Variants in BAZ2B observed in about 807,000 individuals in gnomAD.
BAZ2B encodes the protein bromodomain adjacent to zinc finger domain protein 2B.
Under a neutral mutation model 246.0 loss-of-function variants are expected in BAZ2B, and 91 were observed. The ratio of observed to expected loss-of-function variants is 0.37; its 90% CI spans 0.31 to 0.44. The LOEUF (loss-of-function observed/expected upper bound fraction) is 0.44. BAZ2B is among the 20% of genes least tolerant of loss of function. The pLI is 1.00. For synonymous variants in BAZ2B, 855 were observed against 860.0 expected (o/e 0.99, Z 0.10); for missense variants, 2,332 against 2,533.7 (o/e 0.92, Z 1.71).
chr2:159,539,150 C>T (rs1410007486), intron 2 of BAZ2B, among the ~76,000 whole-genome samples: 2 of 152,154 alleles, frequency 1.3e-5, no homozygotes, highest in African/African-American at 4.8e-5. Flanking sequence ...AAACATTAAA[C>T]ATACACCTCT....
the BAZ2B span, among the ~76,000 whole-genome samples, chr2:159,624,254 G>A: frequency 1.1e-4 from 16 of 152,308 alleles, no homozygotes; most frequent in Admixed American, 1.3e-4. Context: ...GGGAAGGGAC[G>A]GCTGTGGGCA....
At chr2:159,535,031 T>C (rs2085799452) in intron 2 of BAZ2B, among the ~76,000 whole-genome samples, 1 of 152,202 alleles carries the variant, frequency 6.6e-6, no homozygotes, top group Non-Finnish European at 1.5e-5. Flanking sequence ...AGTATGCCAA[T>C]AATAAATAAT....
At chr2:159,584,793 G>C (rs1387811298) in intron 1 of BAZ2B, among the ~76,000 whole-genome samples, 1 of 152,134 alleles carries the variant, frequency 6.6e-6, no homozygotes, top group East Asian at 1.9e-4. Context: ...TGGATCATAG[G>C]GGTGGACTTC....
intron 3 of BAZ2B, among the ~76,000 whole-genome samples, chr2:159,476,312 A>G (rs1326417184): frequency 6.6e-6 from 1 of 152,224 alleles, no homozygotes; most frequent in Non-Finnish European, 1.5e-5. Flanking sequence ...TTTAGGTACT[A>G]AAAATATGTG....
chr2:159,438,498 T>C lies in BAZ2B; in HGVS notation c.1098A>G (p.Glu366=). 1 of 1,614,186 alleles carries C rather than the reference T, an allele frequency of 6.2e-7. No individual in the cohort carries two copies. Among genetic ancestry groups the C allele is most frequent in the Non-Finnish European group, 8.5e-7 (1 of 1,180,020 alleles). The change falls in exon 8 of 37, where the codon GAA becomes GAG. Residue 366 remains glutamate, a synonymous_variant. Transcript: ENST00000392783. ...TTACACTGGTGTGTTTGTTCACAGATTCCTCCTTTGCCTGAGAGCTTTGGA... is the reference window on the plus strand; with the variant it reads ...TTACACTGGTGTGTTTGTTCACAGACTCCTCCTTTGCCTGAGAGCTTTGGA... The part of the protein sequence containing the change: ...FIFQSSQAKE[E]SVNKHTSVIQ...
intron 3 of BAZ2B, among the ~76,000 whole-genome samples, chr2:159,478,042 G>A (rs1022356349): frequency 1.3e-5 from 2 of 152,158 alleles, no homozygotes; most frequent in African/African-American, 2.4e-5. Context: ...GGCTGGTCTC[G>A]AACTCCTGAC....
chr2:159,516,832 T>C (rs2083488644), intron 2 of BAZ2B, among the ~76,000 whole-genome samples: 1 of 152,130 alleles, frequency 6.6e-6, no homozygotes, highest in African/African-American at 2.4e-5. Flanking sequence ...AAGGGTTTAC[T>C]CCTCACATAA....
intron 27 of BAZ2B, among the ~76,000 whole-genome samples, chr2:159,351,084 A>C (rs980503066): frequency 6.6e-6 from 1 of 152,078 alleles, no homozygotes; most frequent in Non-Finnish European, 1.5e-5. Flanking sequence ...TAAAATCCAA[A>C]AATATTAAAA....
At chr2:159,520,490 T>C (rs1225892948) in intron 2 of BAZ2B, among the ~76,000 whole-genome samples, 1 of 152,210 alleles carries the variant, frequency 6.6e-6, no homozygotes, top group Admixed American at 6.5e-5. Context: ...GATCTTGAAA[T>C]TCCTTCTTTT....
chr2:159,546,215 C>T (rs2087320516), intron 2 of BAZ2B, among the ~76,000 whole-genome samples: 1 of 152,012 alleles, frequency 6.6e-6, no homozygotes, highest in Non-Finnish European at 1.5e-5. Flanking sequence ...ATGGGAGGAA[C>T]CCAGTGGGAG....
intron 2 of BAZ2B, among the ~76,000 whole-genome samples, chr2:159,553,204 G>GA (rs1259281801): frequency 6.6e-6 from 1 of 151,862 alleles, no homozygotes; most frequent in Non-Finnish European, 1.5e-5. Context: ...AGGCCAGCCT[G>GA]GCCAACATGA....
chr2:159,705,247 C>A, the BAZ2B span, among the ~76,000 whole-genome samples: 1 of 151,670 alleles, frequency 6.6e-6, no homozygotes, highest in Non-Finnish European at 1.5e-5. Context: ...GTCTCAAACT[C>A]CTAGGTTCAA....
At chr2:159,682,879 ATC>A in the BAZ2B span, among the ~76,000 whole-genome samples, 1 of 149,092 alleles carries the variant, frequency 6.7e-6, no homozygotes, top group Non-Finnish European at 1.5e-5. Flanking sequence ...CTTCTCAAGC[ATC>A]TCTGTTTTAG....
chr2:159,362,963 GGTGTACAGGAGCCTGA>G (rs1268750566), intron 27 of BAZ2B, among the ~76,000 whole-genome samples: 1 of 152,136 alleles, frequency 6.6e-6, no homozygotes, highest in East Asian at 1.9e-4. Flanking sequence ...TGTGAGGCAC[GGTGTACAGGAGCCTGA>G]GTGAGAACAC....
chr2:159,547,660 AC>A (rs2087564943), intron 2 of BAZ2B, among the ~76,000 whole-genome samples: 1 of 152,192 alleles, frequency 6.6e-6, no homozygotes, highest in Non-Finnish European at 1.5e-5. Context: ...GGAAATATTT[AC>A]CTAGTCTATA....
At chr2:159,571,952 T>C (rs1424407101) in intron 1 of BAZ2B, among the ~76,000 whole-genome samples, 1 of 152,264 alleles carries the variant, frequency 6.6e-6, no homozygotes, top group Non-Finnish European at 1.5e-5. Context: ...GCTGCACCTC[T>C]TAATACTGTT....
rs1261292644 is a variant in BAZ2B at position 159,417,267 on chromosome 2, T to C, written c.2467-4722A>G. 4.0e-5 allele frequency among the ~76,000 whole-genome samples: 6 copies of C among 151,024 alleles called. 1 individual carries two copies. On this transcript the variant is annotated intron_variant, in intron 13 of 36. Transcript: ENST00000392783. The stretch of plus-strand genomic sequence containing the variant: ...CTCACTGCAACCTCTGCCTCTTGAG[T>C]TCAAGTGATTCTCCTGCCTCAGCCT...
intron 14 of BAZ2B, among the ~76,000 whole-genome samples, chr2:159,408,164 C>T (rs1477703029): frequency 1.3e-5 from 2 of 152,126 alleles, no homozygotes; most frequent in South Asian, 2.1e-4. Context: ...TCAAGCCCTA[C>T]ACAAGTACAC....
intron 1 of BAZ2B, among the ~76,000 whole-genome samples, chr2:159,586,829 AAATT>A (rs1268552887): frequency 6.6e-6 from 1 of 152,196 alleles, no homozygotes; most frequent in Non-Finnish European, 1.5e-5. Flanking sequence ...ACTAAAAAAT[AAATT>A]GATGTATAAA....
Sources: allele counts gnomAD v4.1 joint callset (sites outside exome capture counted in the v4.1 genomes callset), GRCh38; gene constraint gnomAD v4.1.1; transcripts MANE v1.5; gene names NCBI Gene and HGNC (gene_info 2026-07-23, HGNC 2026-07-21).